Variants in SMARCA2 observed in about 807,000 individuals in gnomAD.
SMARCA2 encodes SWI/SNF-related matrix-associated actin-dependent regulator of chromatin subfamily A member 2.
SMARCA2 carries 61 observed loss-of-function variants against 199.8 expected under a neutral mutation model. That is an observed-to-expected ratio of 0.31 (90% CI 0.25 to 0.38). SMARCA2 has a LOEUF of 0.38. Among genes scored for constraint, SMARCA2 ranks in the 10% least tolerant of loss-of-function variants. The pLI is 1.00. For missense variants in SMARCA2, 1,344 were observed against 2,012.2 expected, an observed-to-expected ratio of 0.67 and a Z score of 6.35; for synonymous variants, 935 against 732.0, an observed-to-expected ratio of 1.28 and a Z score of -4.48.
chr9:2,173,358 T>C (rs1826361017), intron 29 of SMARCA2, among the ~76,000 whole-genome samples: 1 of 152,204 alleles, frequency 6.6e-6, no homozygotes, highest in South Asian at 2.1e-4. Flanking sequence ...GCAAAATTTA[T>C]TTTTAGTACC....
chr9:2,035,234 G>T lies in SMARCA2; in HGVS notation c.355+2153G>T, dbSNP rs188038247. On this transcript the variant is annotated intron_variant, in intron 3 of 33. Transcript: ENST00000349721. ...TTTTTGTATTTTTAATAGAGACAGG[G>T]TTTCACCATGTTGCCCAGGCTGGTC... Among the ~76,000 whole-genome samples, 135 of 152,096 alleles carry T rather than the reference G, an allele frequency of 8.9e-4. 1 individual carries two copies. The East Asian group carries it at 0.023, about 26-fold the overall frequency.
At chr9:2,160,680 A>G (rs1466294705) in intron 27 of SMARCA2, 2 of 690,624 alleles carry the variant, frequency 2.9e-6, no homozygotes, top group East Asian at 2.7e-5. Flanking sequence ...TCATTTGCAT[A>G]CTGGAGGCAA....
chr9:2,034,058 A>C (rs1819201901), intron 3 of SMARCA2, among the ~76,000 whole-genome samples: 1 of 152,090 alleles, frequency 6.6e-6, no homozygotes. Context: ...CATCCTGGTC[A>C]ACATGGTGAA....
At chr9:2,084,320 A>T in intron 17 of SMARCA2, 124 bp downstream of exon 17, 1 of 561,262 alleles carries the variant, frequency 1.8e-6, no homozygotes, top group Non-Finnish European at 3.1e-6. Context: ...TTTTTCTAAA[A>T]TTTTTTCAGA....
chr9:2,080,689 G>A (rs1475951140), intron 14 of SMARCA2, among the ~76,000 whole-genome samples: 2 of 152,164 alleles, frequency 1.3e-5, no homozygotes, highest in Non-Finnish European at 2.9e-5. Context: ...CCTTTAGGAT[G>A]ACTTTGGAAT....
intron 27 of SMARCA2, among the ~76,000 whole-genome samples, chr9:2,141,733 G>C (rs1211414006): frequency 6.6e-6 from 1 of 151,980 alleles, no homozygotes; most frequent in Non-Finnish European, 1.5e-5. Context: ...AGCCATCTAT[G>C]CAAGTCTGTG....
At chr9:2,065,319 T>G (rs192575035) in intron 9 of SMARCA2, among the ~76,000 whole-genome samples, 2 of 152,240 alleles carry the variant, frequency 1.3e-5, no homozygotes, top group South Asian at 4.1e-4. Flanking sequence ...TGTTATTTAT[T>G]TGTGACATTT....
intron 27 of SMARCA2, among the ~76,000 whole-genome samples, chr9:2,147,160 G>A (rs1824796658): frequency 6.7e-6 from 1 of 149,868 alleles, no homozygotes. Context: ...CTGAGCAATA[G>A]GATACAGCTC....
chr9:2,071,520 G>C (rs1586672999), intron 10 of SMARCA2, among the ~76,000 whole-genome samples: 2 of 152,336 alleles, frequency 1.3e-5, no homozygotes, highest in Middle Eastern at 6.8e-3. Context: ...TAGCGTAATA[G>C]TGTTCTTATA....
intron 19 of SMARCA2, among the ~76,000 whole-genome samples, chr9:2,091,318 C>T (rs1394024719): frequency 6.6e-6 from 1 of 152,198 alleles, no homozygotes. Context: ...TTCTCCATCC[C>T]TGTCTATAGC....
chr9:2,028,181 G>C (rs1159293628), intron 1 of SMARCA2, among the ~76,000 whole-genome samples: 1 of 152,208 alleles, frequency 6.6e-6, no homozygotes, highest in Non-Finnish European at 1.5e-5. Context: ...CAAATCCCTG[G>C]TTTTAACTGT....
intron 28 of SMARCA2, among the ~76,000 whole-genome samples, chr9:2,163,411 C>T (rs547170171): frequency 3.1e-4 from 47 of 152,236 alleles, no homozygotes; most frequent in African/African-American, 8.7e-4. Flanking sequence ...AAATTTTGAC[C>T]GCAAGTCCAT....
chr9:2,151,584 A>C (rs1272197868), intron 27 of SMARCA2, among the ~76,000 whole-genome samples: 1 of 151,986 alleles, frequency 6.6e-6, no homozygotes, highest in African/African-American at 2.4e-5. Flanking sequence ...ATACAAAAAA[A>C]TTGGCTGGGC....
At chr9:2,158,885 G>A (rs1825516232) in intron 27 of SMARCA2, 8 of 1,565,764 alleles carry the variant, frequency 5.1e-6, no homozygotes, top group Admixed American at 3.6e-5. Context: ...ATAAAGCACT[G>A]CATATGGATG....
chr9:2,192,662 A>G (rs770802210), intron 33 of SMARCA2, 42 bp from the exon 34 acceptor site: 3 of 1,381,402 alleles, frequency 2.2e-6, no homozygotes, highest in South Asian at 1.2e-5. Flanking sequence ...TTTTTCTTGC[A>G]TGTGATGTTA....
chr9:2,054,296 G>A (rs1051418546), intron 5 of SMARCA2, among the ~76,000 whole-genome samples: 1 of 152,218 alleles, frequency 6.6e-6, no homozygotes, highest in Non-Finnish European at 1.5e-5. Context: ...TCTCTGCTAA[G>A]AGTGAGCAAG....
chr9:2,041,562 G>C (rs952439874), intron 4 of SMARCA2: 4 of 395,726 alleles, frequency 1.0e-5, no homozygotes, highest in Non-Finnish European at 1.3e-5. Flanking sequence ...ATCTCCCTGG[G>C]AATTAGGATT....
chr9:2,119,473 C>G lies in SMARCA2; in HGVS notation c.3700C>G (p.Pro1234Ala). ...TTAACCCCAGGAAGAAGATGAAGTA[C>G]CGGACGATGAGACTCTGAACCAAAT... ...EEENEEEDEV[P>A]DDETLNQMIA... The change falls in exon 26 of 34, where the codon CCG becomes GCG. Residue 1234 changes from proline to alanine, a missense_variant. Pro to Ala is a conservative substitution (Grantham distance 27). Coordinates refer to ENST00000349721, the MANE Select transcript of SMARCA2 (RefSeq NM_003070.5). The surrounding 1 kb of genome is among the most constrained non-coding windows in gnomAD (Gnocchi z 4.6). The G allele has an allele frequency of 1.2e-6, 2 of 1,612,770 alleles. No individual in the cohort carries two copies. Among genetic ancestry groups the G allele is most frequent in the Non-Finnish European group, 1.7e-6 (2 of 1,178,816 alleles).
Position 2,169,259 on chromosome 9 carries a change from C to G in SMARCA2, c.4200-1160C>G, listed in dbSNP as rs996199360. Among the ~76,000 whole-genome samples, 1 of 152,186 alleles carries G rather than the reference C, an allele frequency of 6.6e-6. No individual in the cohort carries two copies. Among genetic ancestry groups the G allele is most frequent in the Non-Finnish European group, 1.5e-5 (1 of 68,026 alleles). On this transcript the variant is annotated intron_variant, in intron 28 of 33. Coordinates refer to ENST00000349721, the MANE Select transcript of SMARCA2 (RefSeq NM_003070.5). This position sits in a 1 kb window ranked among gnomAD's most constrained non-coding sequence, Gnocchi z 6.5. ...GGACTGCGTGCCCTGCCTCCAGTCT[C>G]TTCCTGTCCTGGCTTCTTTCTGAGG... is the stretch of plus-strand genomic sequence containing the variant.
Sources: allele counts gnomAD v4.1 joint callset (sites outside exome capture counted in the v4.1 genomes callset), GRCh38; gene constraint gnomAD v4.1.1; non-coding constraint Gnocchi (gnomAD v3.1); transcripts MANE v1.5; gene names NCBI Gene and HGNC (gene_info 2026-07-23, HGNC 2026-07-21).